Variants in DPYD observed in about 807,000 individuals in gnomAD.
The protein encoded by DPYD is dihydropyrimidine dehydrogenase [NADP(+)].
DPYD carries 109 observed loss-of-function variants against 116.2 expected under a neutral mutation model. The observed-to-expected ratio is 0.94, with a 90% CI of 0.80 to 1.10. DPYD has a LOEUF of 1.10. Among genes scored for constraint, DPYD ranks in the 50% least tolerant of loss-of-function variants. The pLI, the probability that DPYD is intolerant of heterozygous loss-of-function variation, is 0.00. For missense variants in DPYD, 1,302 were observed against 1,254.5 expected (o/e 1.04, Z -0.57); for synonymous variants, 440 against 432.0 (o/e 1.02, Z -0.23).
intron 19 of DPYD, among the ~76,000 whole-genome samples, chr1:97,198,132 G>GTTTTGTAGCT (rs1354557455): frequency 6.6e-6 from 1 of 151,986 alleles, no homozygotes; most frequent in Non-Finnish European, 1.5e-5. Flanking sequence ...GCAGATTCTG[G>GTTTTGTAGCT]TTTTGTAGCT....
chr1:97,651,660 A>G (rs1453449405), intron 8 of DPYD, among the ~76,000 whole-genome samples: 1 of 152,160 alleles, frequency 6.6e-6, no homozygotes, highest in Non-Finnish European at 1.5e-5. Context: ...CCTACAGCGT[A>G]ATAGATTTTG....
chr1:97,335,844 T>G (rs1669258413), intron 16 of DPYD, among the ~76,000 whole-genome samples: 1 of 152,160 alleles, frequency 6.6e-6, no homozygotes, highest in Admixed American at 6.5e-5. Flanking sequence ...AATTTACTCT[T>G]TCATATTTTT....
At chr1:97,397,270 T>C (rs1327718129) in intron 14 of DPYD, among the ~76,000 whole-genome samples, 2 of 151,956 alleles carry the variant, frequency 1.3e-5, no homozygotes, top group Admixed American at 6.6e-5. Flanking sequence ...CTGTAGTAGT[T>C]ATGTAGTCAT....
At chr1:97,400,510 T>C (rs190217754) in intron 14 of DPYD, among the ~76,000 whole-genome samples, 204 of 152,332 alleles carry the variant, frequency 1.3e-3, no homozygotes, top group African/African-American at 4.6e-3. Flanking sequence ...ATTGGAATAG[T>C]TTCAGAAGGA....
At chr1:97,870,776 C>T (rs1671616351) in intron 2 of DPYD, among the ~76,000 whole-genome samples, 2 of 151,790 alleles carry the variant, frequency 1.3e-5, no homozygotes, top group African/African-American at 2.4e-5. Flanking sequence ...TGTCAAAGTG[C>T]TCCCTCTAAT....
chr1:97,907,945 T>C (rs1673726340), intron 1 of DPYD, among the ~76,000 whole-genome samples: 1 of 152,070 alleles, frequency 6.6e-6, no homozygotes, highest in Admixed American at 6.6e-5. Flanking sequence ...GGAGAATTCT[T>C]TGTTGTCTCT....
At chr1:97,828,263 T>G in intron 2 of DPYD, 67 bp from the exon 3 acceptor site, 4 of 1,436,106 alleles carry the variant, frequency 2.8e-6, no homozygotes, top group Middle Eastern at 1.7e-4. Context: ...TATGCAGTTA[T>G]GCAAAAATGT....
At chr1:97,347,876 T>C (rs1669940161) in intron 16 of DPYD, among the ~76,000 whole-genome samples, 1 of 152,162 alleles carries the variant, frequency 6.6e-6, no homozygotes, top group African/African-American at 2.4e-5. Context: ...TGCTATAGTC[T>C]GTAATAGCTT....
intron 20 of DPYD, among the ~76,000 whole-genome samples, chr1:97,190,604 A>G (rs957136587): frequency 2.6e-5 from 4 of 152,168 alleles, no homozygotes; most frequent in African/African-American, 9.6e-5. Flanking sequence ...CTTGCACAGT[A>G]AGTGTACTAA....
At chr1:97,325,490 C>A (rs996647366) in intron 16 of DPYD, among the ~76,000 whole-genome samples, 6 of 152,082 alleles carry the variant, frequency 3.9e-5, no homozygotes, top group Middle Eastern at 3.4e-3. Flanking sequence ...CTTAAATGAG[C>A]ACTTGCAACT....
rs548622329 is a variant in DPYD at position 97,865,914 on chromosome 1, C to A, written c.150+17350G>T. 1.2e-3 allele frequency among the ~76,000 whole-genome samples: 180 copies of A among 151,996 alleles called. 2 individuals carry two copies. Among genetic ancestry groups the A allele is most frequent in the African/African-American group, 4.3e-3 (179 of 41,510 alleles). ...TTCTATTTTTTCATTATTCATTGAACTATTGAGCTATAAGTGGTTATATAC... is the reference window on the plus strand; with the variant it reads ...TTCTATTTTTTCATTATTCATTGAAATATTGAGCTATAAGTGGTTATATAC... On this transcript the variant is annotated intron_variant, in intron 2 of 22. Transcript: ENST00000370192.
intron 13 of DPYD, among the ~76,000 whole-genome samples, chr1:97,480,304 A>T (rs991099830): frequency 6.6e-6 from 1 of 152,204 alleles, no homozygotes; most frequent in Non-Finnish European, 1.5e-5. Context: ...CTCAGAAATG[A>T]AGTACACTTC....
At chr1:97,432,975 C>A (rs1419453960) in intron 14 of DPYD, among the ~76,000 whole-genome samples, 1 of 152,082 alleles carries the variant, frequency 6.6e-6, no homozygotes, top group East Asian at 1.9e-4. Context: ...ATATCTCTTG[C>A]TGCTTTACAG....
At chr1:97,869,608 CAGGAGG>C (rs1209082450) in intron 2 of DPYD, among the ~76,000 whole-genome samples, 1 of 151,622 alleles carries the variant, frequency 6.6e-6, no homozygotes, top group Non-Finnish European at 1.5e-5. Context: ...TCTTCCATAC[CAGGAGG>C]AGAACAATCC....
chr1:97,134,528 A>G (rs962662760), intron 20 of DPYD, among the ~76,000 whole-genome samples: 1 of 152,202 alleles, frequency 6.6e-6, no homozygotes, highest in African/African-American at 2.4e-5. Context: ...AGTTGTGATA[A>G]GAATTAAATG....
chr1:97,220,515 G>A (rs894131287), intron 19 of DPYD, among the ~76,000 whole-genome samples: 11 of 152,116 alleles, frequency 7.2e-5, no homozygotes, highest in Non-Finnish European at 1.5e-4. Flanking sequence ...GCTTCCTGAG[G>A]GCAGGTCTCA....
chr1:97,098,490 T>G lies in DPYD; in HGVS notation c.2765A>C (p.Lys922Thr). ...FIPKRPIPTI[K>T]DVIGKALQYL... ...TTATATAGTTGGCATAATTTTTACC[T>G]TGATGGTAGGAATAGGCCTTTTGGG... The change falls in exon 21 of 23, where the codon AAG becomes ACG. Residue 922 changes from lysine (K) to threonine (T), a missense_variant and splice_region_variant. By Grantham distance (78) the Lys-to-Thr change is moderately conservative. Coordinates refer to ENST00000370192, the MANE Select transcript of DPYD (RefSeq NM_000110.4). 2.5e-6 allele frequency: 4 copies of G among 1,612,668 alleles called. No individual in the cohort carries two copies. Among genetic ancestry groups the G allele is most frequent in the Non-Finnish European group, 3.4e-6 (4 of 1,179,182 alleles).
chr1:97,318,447 C>T (rs1219010302), intron 16 of DPYD, among the ~76,000 whole-genome samples: 2 of 150,402 alleles, frequency 1.3e-5, no homozygotes, highest in African/African-American at 4.9e-5. Context: ...TCTGATAAAA[C>T]AGATTGTAAA....
intron 1 of DPYD, among the ~76,000 whole-genome samples, chr1:97,919,803 T>G (rs1674412261): frequency 1.3e-5 from 2 of 152,174 alleles, no homozygotes; most frequent in African/African-American, 4.8e-5. Flanking sequence ...TTGGCTCTTG[T>G]TACTAAAATG....
Sources: gnomAD v4.1 joint callset for allele counts (sites outside exome capture counted in the v4.1 genomes callset) on GRCh38, gnomAD v4.1.1 for gene constraint, MANE v1.5 for transcripts, NCBI Gene and HGNC (gene_info 2026-07-23, HGNC 2026-07-21) for gene names.